SPEF2: variants seen among roughly 807,000 people sequenced by gnomAD.
The protein encoded by SPEF2 is sperm flagella and cilia-associated protein 2.
A neutral mutation model predicts 224.6 loss-of-function variants in SPEF2; 187 were observed. The ratio of observed to expected loss-of-function variants is 0.83; its 90% CI spans 0.74 to 0.94. The LOEUF (loss-of-function observed/expected upper bound fraction) is 0.94. Ranked by LOEUF, SPEF2 falls within the 40% of genes least tolerant of loss-of-function variation. The pLI, the probability that SPEF2 is intolerant of heterozygous loss-of-function variation, is 0.00. For missense variants in SPEF2, 2,170 were observed against 2,135.6 expected (o/e 1.02, Z -0.32); for synonymous variants, 715 against 707.3 (o/e 1.01, Z -0.17).
chr5:35,669,464 G>A (rs1221367513), intron 9 of SPEF2, among the ~76,000 whole-genome samples: 1 of 151,982 alleles, frequency 6.6e-6, no homozygotes, highest in East Asian at 1.9e-4. Flanking sequence ...CTTTCCCATT[G>A]TATAATTCTT....
Position 35,677,653 on chromosome 5 carries a change from T to C in SPEF2, c.1524+7426T>C, listed in dbSNP as rs150863459. ...GAACAAGGAGTAGGAACCTATCATT[T>C]TGGGGTGACTGAACTACTTTTCCAC... On this transcript the variant is annotated intron_variant, in intron 10 of 36. Transcript: ENST00000356031. Among the ~76,000 whole-genome samples, 488 of 152,278 alleles carry C rather than the reference T, an allele frequency of 3.2e-3. 3 individuals are homozygous for C. The highest frequency in any genetic ancestry group is 0.011 in the African/African-American group (466 of 41,542).
At chr5:35,788,944 A>T (rs747199581) in intron 30 of SPEF2, 1 of 702,968 alleles carries the variant, frequency 1.4e-6, no homozygotes, top group African/African-American at 1.7e-5. Context: ...CTTCTCAAAT[A>T]GGAGACAGGA....
At chr5:35,643,584 G>A (rs1039417503) in intron 3 of SPEF2, 8 of 455,258 alleles carry the variant, frequency 1.8e-5, no homozygotes, top group Non-Finnish European at 3.1e-5. Flanking sequence ...GATGGAAAGA[G>A]GCCCTCTGGG....
chr5:35,685,148 T>C (rs534565061), intron 10 of SPEF2, among the ~76,000 whole-genome samples: 13 of 152,238 alleles, frequency 8.5e-5, no homozygotes, highest in African/African-American at 2.4e-4. Context: ...ATACTTTTTA[T>C]AAATACAGGG....
At chr5:35,735,745 G>A (rs1746478456) in intron 21 of SPEF2, among the ~76,000 whole-genome samples, 1 of 152,092 alleles carries the variant, frequency 6.6e-6, no homozygotes, top group Middle Eastern at 3.2e-3. Context: ...TTATTTCTTG[G>A]TTTTGATTGT....
intron 20 of SPEF2, among the ~76,000 whole-genome samples, chr5:35,719,846 C>A (rs10069273): frequency 6.6e-6 from 1 of 152,054 alleles, no homozygotes. Flanking sequence ...GGTCTGGAAC[C>A]ACTGACCTCA....
At chr5:35,724,020 A>G (rs976496085) in intron 20 of SPEF2, among the ~76,000 whole-genome samples, 1 of 152,228 alleles carries the variant, frequency 6.6e-6, no homozygotes. Flanking sequence ...CTTATAAAGT[A>G]CCTTTTATGT....
At chr5:35,686,411 C>T (rs115061850) in intron 10 of SPEF2, among the ~76,000 whole-genome samples, 2,894 of 152,068 alleles carry the variant, frequency 0.019, 64 homozygotes, top group South Asian at 0.055. Context: ...AATCATGTTA[C>T]TAAATACATT....
intron 13 of SPEF2, among the ~76,000 whole-genome samples, chr5:35,694,910 G>A (rs920315663): frequency 6.6e-6 from 1 of 152,138 alleles, no homozygotes; most frequent in Non-Finnish European, 1.5e-5. Context: ...CAGATCCTTT[G>A]TAGAACCATT....
intron 28 of SPEF2, among the ~76,000 whole-genome samples, chr5:35,775,459 G>A (rs1312303184): frequency 6.6e-6 from 1 of 152,108 alleles, no homozygotes; most frequent in Non-Finnish European, 1.5e-5. Context: ...CAGCTTGTGA[G>A]TAGCTTAGGA....
intron 10 of SPEF2, among the ~76,000 whole-genome samples, chr5:35,689,795 A>G (rs1580289622): frequency 6.6e-6 from 1 of 152,100 alleles, no homozygotes; most frequent in East Asian, 1.9e-4. Context: ...GTTATTGTGA[A>G]TAGTACTATG....
chr5:35,726,297 GTTC>G (rs1466864529), intron 20 of SPEF2, among the ~76,000 whole-genome samples: 4 of 152,066 alleles, frequency 2.6e-5, no homozygotes, highest in African/African-American at 4.8e-5. Flanking sequence ...TCATTACAAA[GTTC>G]TTCTTCTTAG....
chr5:35,745,369 A>G (rs1748333559), intron 23 of SPEF2, among the ~76,000 whole-genome samples: 1 of 152,154 alleles, frequency 6.6e-6, no homozygotes, highest in South Asian at 2.1e-4. Flanking sequence ...CTCCTCAGGT[A>G]GGGGAAGACC....
intron 16 of SPEF2, chr5:35,702,416 A>AG (rs1738834852): frequency 2.4e-6 from 1 of 425,060 alleles, no homozygotes; most frequent in Non-Finnish European, 4.7e-6. Flanking sequence ...TTGGAATGGA[A>AG]GAGGAGGTGA....
chr5:35,633,681 A>C (rs964433056), intron 2 of SPEF2, among the ~76,000 whole-genome samples: 1 of 151,894 alleles, frequency 6.6e-6, no homozygotes, highest in Non-Finnish European at 1.5e-5. Context: ...TATATGTCTT[A>C]TGTCTTTTTT....
chr5:35,686,207 C>A (rs1753593343), intron 10 of SPEF2, among the ~76,000 whole-genome samples: 1 of 152,068 alleles, frequency 6.6e-6, no homozygotes, highest in East Asian at 1.9e-4. Flanking sequence ...TTCTAATTTT[C>A]AGTATTCCAC....
chr5:35,782,018 C>T (rs1481016218), intron 30 of SPEF2, among the ~76,000 whole-genome samples: 2 of 152,138 alleles, frequency 1.3e-5, no homozygotes, highest in African/African-American at 4.8e-5. Context: ...CTGCCACTCA[C>T]CCCTTTTCCC....
At chr5:35,753,788 A>G (rs532012070) in intron 24 of SPEF2, 27 bp downstream of exon 24, 4 of 1,613,170 alleles carry the variant, frequency 2.5e-6, no homozygotes, top group Non-Finnish European at 3.4e-6. Flanking sequence ...ACAATAACCC[A>G]GGCACTTCCC....
At chr5:35,651,307 A>G (rs1312255382) in intron 6 of SPEF2, among the ~76,000 whole-genome samples, 1 of 152,210 alleles carries the variant, frequency 6.6e-6, no homozygotes, top group Non-Finnish European at 1.5e-5. Flanking sequence ...TAGTAGTGTC[A>G]GGTCCCTTCT....
Sources: allele counts gnomAD v4.1 joint callset (sites outside exome capture counted in the v4.1 genomes callset), GRCh38; gene constraint gnomAD v4.1.1; transcripts MANE v1.5; gene names NCBI Gene and HGNC (gene_info 2026-07-23, HGNC 2026-07-21).